CLEC12B: variants seen among roughly 807,000 people sequenced by gnomAD.
CLEC12B encodes C-type lectin domain family 12 member B, also known as macrophage antigen h.
Under a neutral mutation model 36.1 loss-of-function variants are expected in CLEC12B, and 25 were observed. That is an observed-to-expected ratio of 0.69 (90% confidence interval 0.50 to 0.97). The LOEUF (loss-of-function observed/expected upper bound fraction) is 0.97. Among genes scored for constraint, CLEC12B ranks in the 50% least tolerant of loss-of-function variants. The pLI, the probability that CLEC12B is intolerant of heterozygous loss-of-function variation, is 0.00. For synonymous variants in CLEC12B, 110 were observed against 108.5 expected, an observed-to-expected ratio of 1.01 and a Z score of -0.09; for missense variants, 325 against 318.4, an observed-to-expected ratio of 1.02 and a Z score of -0.16.
rs532798182 is a variant in CLEC12B at position 10,014,408 on chromosome 12, A to G, written c.191-115A>G. 100 of 698,372 alleles carry G rather than the reference A, an allele frequency of 1.4e-4. 1 individual carries two copies. In the South Asian group the frequency reaches 1.9e-3, roughly 13 times the overall value. 43.3% of individuals were successfully genotyped at this position (698,372 alleles called of 1,614,324 possible). ...GTTTGTTTCTTTCATGATACCTCAA[A>G]TACTAAGAGCTACTAATAAATCTTG... On this transcript the variant is annotated intron_variant, in intron 2 of 5. Transcript: ENST00000338896.
intron 2 of CLEC12B, among the ~76,000 whole-genome samples, chr12:10,014,184 A>G (rs1174462712): frequency 2.0e-5 from 3 of 152,180 alleles, no homozygotes; most frequent in East Asian, 1.9e-4. Flanking sequence ...TAAAACAACA[A>G]TTACATCATC....
intron 1 of CLEC12B, 92 bp from the exon 2 acceptor site, chr12:10,012,693 G>A (rs1008277663): frequency 5.5e-5 from 50 of 905,002 alleles, no homozygotes; most frequent in Non-Finnish European, 4.7e-5. Flanking sequence ...CGTTAGTATC[G>A]GGAAGCTCCC....
intron 4 of CLEC12B, 55 bp from the exon 5 acceptor site, chr12:10,015,557 C>G: frequency 1.2e-5 from 19 of 1,609,220 alleles, no homozygotes; most frequent in Non-Finnish European, 1.5e-5. Context: ...TATCTTAACT[C>G]TGCAAACTGG....
chr12:10,017,588 T>A, intron 5 of CLEC12B: 1 of 985,628 alleles, frequency 1.0e-6, no homozygotes. Flanking sequence ...TTAGAGAGAC[T>A]GAGCTTCCAG....
upstream of CLEC12B, among the ~76,000 whole-genome samples, chr12:10,010,153 GTC>G (rs1210356945): frequency 1.4e-5 from 2 of 146,358 alleles, no homozygotes; most frequent in South Asian, 2.2e-4. Flanking sequence ...CCAACACCAT[GTC>G]TCTCTCTCTC....
chr12:10,011,121 G>A (rs1050809007), intron 1 of CLEC12B, among the ~76,000 whole-genome samples: 1 of 152,162 alleles, frequency 6.6e-6, no homozygotes, highest in Admixed American at 6.5e-5. Flanking sequence ...GGGAATTAGA[G>A]ATTTCTTCTT....
rs141326873 is a variant in CLEC12B, at chr12:10,014,533, A to C, written c.201A>C (p.Ile67=). ...TGTCATGTCTTGGAGTTTTGCAGAT[A>C]TCTAATGACATTAACTCAGATTCAG... ...LVTLGMMFLQ[I]SNDINSDSEK... Residue 67 remains isoleucine (I), a synonymous_variant, in exon 3 of 6, where the codon ATA becomes ATC. Coordinates refer to ENST00000338896, the MANE Select transcript of CLEC12B (RefSeq NM_001129998.3). 22 of 1,612,494 alleles carry C rather than the reference A, an allele frequency of 1.4e-5. 1 individual carries two copies. The highest frequency in any genetic ancestry group is 1.7e-4 in the Middle Eastern group (1 of 6,052).
chr12:10,011,496 A>C (rs1865326623), intron 1 of CLEC12B, among the ~76,000 whole-genome samples: 2 of 152,186 alleles, frequency 1.3e-5, no homozygotes, highest in Admixed American at 6.5e-5. Context: ...AGATGAAAAA[A>C]CTGAGGGTGA....
At chr12:10,016,372 T>A (rs1324044770) in intron 5 of CLEC12B, 2 of 152,782 alleles carry the variant, frequency 1.3e-5, no homozygotes, top group Admixed American at 6.6e-5. Context: ...TGAAACTATT[T>A]AAAGGACAAA....
At position 10,010,640 on chromosome 12, in the gene CLEC12B, G is replaced by A. The variant is rs950143263; in HGVS notation, c.-120G>A. 2 of 605,686 alleles carry A rather than the reference G, an allele frequency of 3.3e-6. No individual in the cohort carries two copies. The highest frequency in any genetic ancestry group is 5.3e-5 in the Admixed American group (2 of 37,686). 37.5% of individuals were successfully genotyped at this position (605,686 alleles called of 1,614,324 possible). A position where few individuals can be genotyped will look rare whatever the true frequency, so the allele number is the denominator to read the frequency against. On this transcript the variant is annotated 5_prime_UTR_variant, in exon 1 of 6. It adds an upstream start codon to the 5' untranslated region. Transcript: ENST00000338896. Reference sequence around the variant, plus strand: ...TTCTCTTACAGAGGGGCAGTAGAGTGTGTCTGGGTCAGCTGAGTGACTACA... The same window carrying A: ...TTCTCTTACAGAGGGGCAGTAGAGTATGTCTGGGTCAGCTGAGTGACTACA...
upstream of CLEC12B, among the ~76,000 whole-genome samples, chr12:10,010,097 C>T (rs150045592): frequency 2.2e-4 from 33 of 152,116 alleles, no homozygotes; most frequent in African/African-American, 7.7e-4. Flanking sequence ...TTCATACTCA[C>T]GTTAAGTAGC....
intron 5 of CLEC12B, chr12:10,015,995 A>T: frequency 1.7e-6 from 2 of 1,145,526 alleles, no homozygotes; most frequent in Non-Finnish European, 2.2e-6. Flanking sequence ...TATTTTATAA[A>T]TACTAACCCT....
upstream of CLEC12B, among the ~76,000 whole-genome samples, chr12:10,006,971 C>T (rs1374676015): frequency 6.6e-6 from 1 of 151,874 alleles, no homozygotes; most frequent in African/African-American, 2.4e-5. Context: ...AGGGGAATGG[C>T]ATGAACCTGG....
chr12:10,010,204 A>T (rs538331995), upstream of CLEC12B, among the ~76,000 whole-genome samples: 9,377 of 84,324 alleles, frequency 0.11, 344 homozygotes, highest in East Asian at 0.18. Flanking sequence ...TCTCTCTCAC[A>T]CACACACACA....
At chr12:10,016,463 A>G (rs1423980123) in intron 5 of CLEC12B, 1 of 171,222 alleles carries the variant, frequency 5.8e-6, no homozygotes, top group Non-Finnish European at 1.2e-5. Context: ...AAAAATGTGT[A>G]AGGGGATATT....
At chr12:10,008,239 T>A (rs1416203961), upstream of CLEC12B, among the ~76,000 whole-genome samples, 1 of 152,232 alleles carries the variant, frequency 6.6e-6, no homozygotes, top group Non-Finnish European at 1.5e-5. Flanking sequence ...ATTTTAAATT[T>A]AATTTAATTT....
rs752118596 is a variant in CLEC12B at position 10,014,512 on chromosome 12, A to G, written c.191-11A>G. ...AGAATATATGAACTTGTCTCCTGTC[A>G]TGTCTTGGAGTTTTGCAGATATCTA... is the stretch of plus-strand genomic sequence containing the variant. On this transcript the variant is annotated splice_polypyrimidine_tract_variant and intron_variant, in intron 2 of 5. Coordinates refer to ENST00000338896, the MANE Select transcript of CLEC12B (RefSeq NM_001129998.3). The G allele has an allele frequency of 1.3e-6, 2 of 1,589,244 alleles. No individual in the cohort carries two copies. Among genetic ancestry groups the G allele is most frequent in the Non-Finnish European group, 1.7e-6 (2 of 1,157,932 alleles).
chr12:10,018,659 T>C lies in CLEC12B; in HGVS notation c.*178T>C. 3.4e-6 allele frequency: 2 copies of C among 584,398 alleles called. No individual in the cohort carries two copies. The highest frequency in any genetic ancestry group is 4.5e-5 in the South Asian group (2 of 44,398). 36.2% of individuals were successfully genotyped at this position (584,398 alleles called of 1,614,324 possible). A position where few individuals can be genotyped will look rare whatever the true frequency, so the allele number is the denominator to read the frequency against. On this transcript the variant is annotated 3_prime_UTR_variant, in exon 6 of 6. Transcript: ENST00000338896. ...CAGTTCCTTGTCTGACGTCTTCTGA[T>C]TTGATGTTATTATTCGGTCTTAAAA... is the stretch of plus-strand genomic sequence containing the variant.
chr12:10,013,751 A>G (rs1215054323), intron 2 of CLEC12B, among the ~76,000 whole-genome samples: 2 of 152,184 alleles, frequency 1.3e-5, no homozygotes, highest in Non-Finnish European at 2.9e-5. Context: ...GGATTTGGAC[A>G]TATCTTTGCC....
Sources: gnomAD v4.1 joint callset for allele counts (sites outside exome capture counted in the v4.1 genomes callset) on GRCh38, gnomAD v4.1.1 for gene constraint, MANE v1.5 for transcripts, NCBI Gene and HGNC (gene_info 2026-07-23, HGNC 2026-07-21) for gene names.